Variants in RIMS2 observed in about 807,000 individuals in gnomAD.
The protein encoded by RIMS2 is regulating synaptic membrane exocytosis protein 2.
In RIMS2, 59 loss-of-function variants were observed where a neutral mutation model predicts 174.4. That is an observed-to-expected ratio of 0.34 (90% CI 0.27 to 0.42). The LOEUF is 0.42. Among genes scored for constraint, RIMS2 ranks in the 10% least tolerant of loss-of-function variants. The pLI is 1.00. For missense variants in RIMS2, 1,620 were observed against 1,666.3 expected, an observed-to-expected ratio of 0.97 and a Z score of 0.48; for synonymous variants, 606 against 572.5, an observed-to-expected ratio of 1.06 and a Z score of -0.84.
At chr8:104,246,782 G>A (rs1277764389) in intron 20 of RIMS2, among the ~76,000 whole-genome samples, 1 of 152,162 alleles carries the variant, frequency 6.6e-6, no homozygotes, top group Non-Finnish European at 1.5e-5. Flanking sequence ...AGCTGGCCTG[G>A]TGTCAGCAGT....
chr8:104,013,485 T>C, exon 18 of RIMS2: 1 of 1,613,816 alleles, frequency 6.2e-7, no homozygotes, highest in Admixed American at 1.7e-5. Context: ...CAGATCCAGA[T>C]CAACAGAACA....
chr8:103,741,473 G>T (rs184228513), intron 2 of RIMS2, among the ~76,000 whole-genome samples: 2 of 151,912 alleles, frequency 1.3e-5, no homozygotes, highest in African/African-American at 2.4e-5. Context: ...ATTAATTTAG[G>T]TTTTTTTCTC....
chr8:104,079,617 A>ATATG (rs1292485698), intron 19 of RIMS2, among the ~76,000 whole-genome samples: 1 of 130,892 alleles, frequency 7.6e-6, no homozygotes, highest in Non-Finnish European at 1.7e-5. Context: ...ATATATATAT[A>ATATG]TATATATATA....
chr8:103,643,127 A>C (rs2096262965), intron 1 of RIMS2, among the ~76,000 whole-genome samples: 1 of 151,612 alleles, frequency 6.6e-6, no homozygotes, highest in Admixed American at 6.6e-5. Context: ...TTTCAGTTTT[A>C]GAAGTTTTTA....
At chr8:103,817,692 G>T (rs1390314181) in intron 3 of RIMS2, among the ~76,000 whole-genome samples, 1 of 152,068 alleles carries the variant, frequency 6.6e-6, no homozygotes, top group African/African-American at 2.4e-5. Context: ...AGGCAGAATT[G>T]CTTGAACCTG....
intron 6 of RIMS2, 142 bp from the exon 10 acceptor site, chr8:103,915,353 T>C (rs1595070369): frequency 2.1e-6 from 1 of 476,798 alleles, no homozygotes; most frequent in East Asian, 3.1e-5. Context: ...ATAGAGACAA[T>C]AAATTATTTA....
At chr8:104,176,925 T>C (rs2098902843) in intron 19 of RIMS2, among the ~76,000 whole-genome samples, 1 of 152,066 alleles carries the variant, frequency 6.6e-6, no homozygotes, top group Non-Finnish European at 1.5e-5. Context: ...AAAAGCAGTA[T>C]GGTTATTTGA....
At position 103,784,890 on chromosome 8, in the gene RIMS2, C is replaced by T. The variant is rs1433075243; in HGVS notation, c.698+18353C>T. Among the ~76,000 whole-genome samples, 150 of 133,046 alleles carry T rather than the reference C, an allele frequency of 1.1e-3. 5 individuals are homozygous for T. In the Admixed American group the frequency reaches 0.011, roughly 10 times the overall value. 87.3% of individuals were successfully genotyped at this position (133,046 alleles called of 152,430 possible). A position where few individuals can be genotyped will look rare whatever the true frequency, so the allele number is the denominator to read the frequency against. ...GGCCATTTTCACGATATTGATTCTT[C>T]CTACCCATGAGCATGGAATGTTCTT... On this transcript the variant is annotated intron_variant, in intron 3 of 23. Coordinates refer to ENST00000504942, the Ensembl canonical transcript of RIMS2.
At position 104,094,456 on chromosome 8, in the gene RIMS2, C is replaced by T. The variant is rs766861852; in HGVS notation, c.3334+79841C>T. 5.0e-6 allele frequency: 3 copies of T among 594,402 alleles called. No individual in the cohort carries two copies. In the South Asian group the frequency reaches 6.6e-5, roughly 13 times the overall value. The allele number at this position is 594,402 out of a possible 1,614,324, so 36.8% of individuals were successfully genotyped here. On this transcript the variant is annotated intron_variant, in intron 19 of 23. Transcript: ENST00000504942. ...TTTTGTGTGTTTATTTGCATGCCTT[C>T]AATTTCTGTTGCTTTCAAAAGACCA... is the stretch of plus-strand genomic sequence containing the variant.
At chr8:104,138,853 C>G (rs984370535) in intron 19 of RIMS2, among the ~76,000 whole-genome samples, 4 of 152,136 alleles carry the variant, frequency 2.6e-5, no homozygotes, top group Non-Finnish European at 4.4e-5. Flanking sequence ...GACCAGTGTC[C>G]TGGAGAGTTT....
At chr8:103,983,670 C>A (rs1215281154) in intron 16 of RIMS2, among the ~76,000 whole-genome samples, 6 of 152,090 alleles carry the variant, frequency 3.9e-5, no homozygotes, top group Non-Finnish European at 7.4e-5. Flanking sequence ...TTCAATAAAT[C>A]GTGCTGGGAA....
intron 15 of RIMS2, among the ~76,000 whole-genome samples, chr8:103,961,543 T>C (rs914215996): frequency 1.3e-5 from 2 of 152,158 alleles, no homozygotes; most frequent in African/African-American, 4.8e-5. Context: ...AAAATTGTTT[T>C]TATATGAAGT....
At chr8:103,890,136 CTTCT>C (rs1183980071) in intron 4 of RIMS2, among the ~76,000 whole-genome samples, 5 of 151,970 alleles carry the variant, frequency 3.3e-5, no homozygotes, top group African/African-American at 1.2e-4. Flanking sequence ...ATAGTTAAGA[CTTCT>C]ATAGGACAAC....
intron 1 of RIMS2, among the ~76,000 whole-genome samples, chr8:103,568,225 G>A (rs529680352): frequency 1.3e-5 from 2 of 152,160 alleles, no homozygotes; most frequent in Non-Finnish European, 2.9e-5. Flanking sequence ...TTGAGCCTGT[G>A]AGGTCGAGGT....
intron 1 of RIMS2, among the ~76,000 whole-genome samples, chr8:103,628,757 A>G (rs2095846023): frequency 6.8e-6 from 1 of 146,604 alleles, no homozygotes; most frequent in African/African-American, 2.5e-5. Context: ...CCCATATTAA[A>G]AAAAAAAAAA....
intron 19 of RIMS2, among the ~76,000 whole-genome samples, chr8:104,196,372 T>A (rs968064357): frequency 2.0e-5 from 3 of 152,178 alleles, no homozygotes; most frequent in Non-Finnish European, 2.9e-5. Flanking sequence ...AACAAAAATG[T>A]CTTTCCTATG....
intron 19 of RIMS2, among the ~76,000 whole-genome samples, chr8:104,220,868 A>G (rs1287226406): frequency 3.3e-5 from 5 of 152,090 alleles, no homozygotes; most frequent in African/African-American, 1.2e-4. Context: ...CAGCCTCCCA[A>G]AGTGCTGGGA....
At chr8:104,157,621 A>T (rs572256191) in intron 19 of RIMS2, among the ~76,000 whole-genome samples, 5 of 152,158 alleles carry the variant, frequency 3.3e-5, no homozygotes, top group African/African-American at 1.2e-4. Flanking sequence ...ACTGCTCTAG[A>T]TATTTCTACT....
chr8:104,236,276 A>G (rs1055414319), intron 19 of RIMS2, among the ~76,000 whole-genome samples: 2 of 152,008 alleles, frequency 1.3e-5, no homozygotes, highest in Non-Finnish European at 2.9e-5. Flanking sequence ...CTCTCTATGG[A>G]AAACATATAT....
Sources: gnomAD v4.1 joint callset for allele counts (sites outside exome capture counted in the v4.1 genomes callset) on GRCh38, gnomAD v4.1.1 for gene constraint, MANE v1.5 for transcripts, NCBI Gene and HGNC (gene_info 2026-07-23, HGNC 2026-07-21) for gene names.